MYO1B: variants seen among roughly 807,000 people sequenced by gnomAD.
The protein encoded by MYO1B is myosin IB.
In MYO1B, 72 loss-of-function variants were observed where a neutral mutation model predicts 159.7. The observed-to-expected ratio is 0.45, with a 90% CI of 0.37 to 0.55. The LOEUF is 0.55. MYO1B is among the 20% of genes least tolerant of loss of function. The probability of loss-of-function intolerance (pLI) is 0.00; values close to 1 mark genes in which losing one functional copy is unlikely to be tolerated. For synonymous variants in MYO1B, 468 were observed against 473.8 expected (o/e 0.99, Z 0.16); for missense variants, 1,062 against 1,364.8 (o/e 0.78, Z 3.50).
intron 18 of MYO1B, among the ~76,000 whole-genome samples, chr2:191,391,530 T>C (rs1695750003): frequency 6.6e-6 from 1 of 152,118 alleles, no homozygotes; most frequent in Non-Finnish European, 1.5e-5. Flanking sequence ...GTGTATTCAC[T>C]CCCTGCCTGG....
intron 24 of MYO1B, among the ~76,000 whole-genome samples, chr2:191,406,344 T>A (rs563844944): frequency 6.6e-6 from 1 of 152,360 alleles, no homozygotes; most frequent in South Asian, 2.1e-4. Flanking sequence ...TTTAATTTCC[T>A]TCAAGAATGT....
At chr2:191,305,065 G>A (rs1689566714) in intron 3 of MYO1B, among the ~76,000 whole-genome samples, 1 of 152,244 alleles carries the variant, frequency 6.6e-6, no homozygotes, top group Admixed American at 6.5e-5. Context: ...TGGAGAAGCA[G>A]CACTGAGGCC....
At chr2:191,262,589 C>T (rs560380438) in intron 1 of MYO1B, among the ~76,000 whole-genome samples, 3 of 147,060 alleles carry the variant, frequency 2.0e-5, no homozygotes, top group South Asian at 2.3e-4. Context: ...AGCACAGATG[C>T]GCTGGTTAGG....
chr2:191,324,386 C>T (rs1273185066), intron 3 of MYO1B, among the ~76,000 whole-genome samples: 1 of 151,594 alleles, frequency 6.6e-6, no homozygotes, highest in Non-Finnish European at 1.5e-5. Flanking sequence ...ATTCCATTTA[C>T]TTTTTAGTTA....
chr2:191,316,638 G>T (rs1690367004), intron 3 of MYO1B, among the ~76,000 whole-genome samples: 1 of 152,182 alleles, frequency 6.6e-6, no homozygotes, highest in South Asian at 2.1e-4. Context: ...TCCTTTAGCA[G>T]GTGTTTAGCA....
intron 1 of MYO1B, among the ~76,000 whole-genome samples, chr2:191,250,975 C>G (rs1037961015): frequency 1.3e-5 from 2 of 152,134 alleles, no homozygotes; most frequent in African/African-American, 4.8e-5. Flanking sequence ...GGCTTGTTTC[C>G]TTTGTCACCT....
At chr2:191,258,706 C>T (rs10188309) in intron 1 of MYO1B, among the ~76,000 whole-genome samples, 4,607 of 152,224 alleles carry the variant, frequency 0.03, 214 homozygotes, top group African/African-American at 0.1. Context: ...GACCTTGTAT[C>T]TCCACTTCAT....
At chr2:191,255,102 AT>A (rs1686358902) in intron 1 of MYO1B, among the ~76,000 whole-genome samples, 1 of 151,116 alleles carries the variant, frequency 6.6e-6, no homozygotes, top group African/African-American at 2.4e-5. Context: ...CATTTTTTAC[AT>A]TTTTTTGTGG....
rs1469234879 is a variant in MYO1B at position 191,341,449 on chromosome 2, T to C, written c.347-12T>C. On this transcript the variant is annotated splice_polypyrimidine_tract_variant and intron_variant, in intron 4 of 30. Transcript: ENST00000392318. ...TGTGTTATTGATTAATATGGCTTAT[T>C]TTCATCCACAGAGGCCAGTAAGCTT... 3 of 1,609,786 alleles carry C rather than the reference T, an allele frequency of 1.9e-6. No individual in the cohort carries two copies. The African/African-American group carries it at 4.0e-5, about 22-fold the overall frequency.
rs182272647 is a variant in MYO1B at position 191,348,657 on chromosome 2, C to T, written c.499-1505C>T. Among the ~76,000 whole-genome samples the T allele has an allele frequency of 6.6e-5, 10 of 152,258 alleles. No homozygotes were observed. In the East Asian group the frequency reaches 1.9e-3, roughly 29 times the overall value. ...TTCCTGTGACTCTCCGGGTAGCTCT[C>T]AATTCTGTTTACTTTTTCTCTTTGA... On this transcript the variant is annotated intron_variant, in intron 6 of 30. Coordinates refer to ENST00000392318, the MANE Select transcript of MYO1B (RefSeq NM_001130158.3).
chr2:191,326,768 A>ATGTG (rs1401808572), intron 3 of MYO1B, among the ~76,000 whole-genome samples: 47 of 109,216 alleles, frequency 4.3e-4, no homozygotes, highest in East Asian at 1.6e-3. Context: ...GTGTTTGTAT[A>ATGTG]TATGTGTGTG....
At chr2:191,400,297 ATCATCTCT>A in intron 21 of MYO1B, 77 bp from the exon 22 acceptor site, 1 of 1,421,536 alleles carries the variant, frequency 7.0e-7, no homozygotes, top group South Asian at 1.2e-5. Flanking sequence ...TGTTAGGACG[ATCATCTCT>A]TCAGGTTTTT....
chr2:191,293,498 T>G (rs1688802151), intron 2 of MYO1B, among the ~76,000 whole-genome samples: 1 of 152,212 alleles, frequency 6.6e-6, no homozygotes, highest in African/African-American at 2.4e-5. Context: ...CTACTCCATA[T>G]GCAGATCCAT....
intron 7 of MYO1B, among the ~76,000 whole-genome samples, chr2:191,351,036 G>A (rs1198851181): frequency 6.6e-6 from 1 of 152,074 alleles, no homozygotes; most frequent in African/African-American, 2.4e-5. Flanking sequence ...TGATGACTCA[G>A]GGCTTTGTGC....
At chr2:191,318,932 A>G (rs1246067018) in intron 3 of MYO1B, among the ~76,000 whole-genome samples, 1 of 151,894 alleles carries the variant, frequency 6.6e-6, no homozygotes, top group African/African-American at 2.4e-5. Flanking sequence ...CTGTTTAGTC[A>G]CTCCCTGCCT....
chr2:191,289,110 T>C (rs1448446882), intron 2 of MYO1B, among the ~76,000 whole-genome samples: 1 of 152,238 alleles, frequency 6.6e-6, no homozygotes, highest in Non-Finnish European at 1.5e-5. Context: ...AGAAGATCTT[T>C]TCCTTTTCTG....
chr2:191,251,838 C>T (rs1686138721), intron 1 of MYO1B, among the ~76,000 whole-genome samples: 1 of 152,082 alleles, frequency 6.6e-6, no homozygotes, highest in African/African-American at 2.4e-5. Flanking sequence ...GCAACCACAA[C>T]AAAAAGCTCC....
Position 191,393,121 on chromosome 2 carries a change from A to G in MYO1B, c.2125A>G (p.Thr709Ala). Residue 709 changes from threonine to alanine, a missense_variant, in exon 20 of 31, where the codon ACT (threonine) becomes GCT (alanine). This residue lies in a region of MYO1B where 609 missense variants were observed against 744.4 expected (regional missense o/e 0.82). Coordinates refer to ENST00000392318, the MANE Select transcript of MYO1B (RefSeq NM_001130158.3). ...LRKQRLEDLATLIQKIYRGWK... is the reference protein window; with the variant it reads ...LRKQRLEDLAALIQKIYRGWK... ...GAAGCAACGCCTGGAGGACTTGGCC[A>G]CTCTCATTCAGAAGATATATCGGGG... 6.2e-7 allele frequency: 1 copy of G among 1,613,900 alleles called. No individual in the cohort carries two copies. Among genetic ancestry groups the G allele is most frequent in the Non-Finnish European group, 8.5e-7 (1 of 1,179,928 alleles).
chr2:191,296,944 C>T (rs964563595), intron 3 of MYO1B, among the ~76,000 whole-genome samples: 5 of 152,094 alleles, frequency 3.3e-5, no homozygotes, highest in Admixed American at 6.6e-5. Flanking sequence ...GTGGTAGAAC[C>T]GGGTTATTCA....
Sources: allele counts gnomAD v4.1 joint callset (sites outside exome capture counted in the v4.1 genomes callset), GRCh38; gene constraint gnomAD v4.1.1; regional missense constraint gnomAD v4.1.1; transcripts MANE v1.5; gene names NCBI Gene and HGNC (gene_info 2026-07-23, HGNC 2026-07-21).